Variants in COL17A1 observed in about 807,000 individuals in gnomAD.
COL17A1 encodes collagen type XVII alpha 1 chain.
A neutral mutation model predicts 218.4 loss-of-function variants in COL17A1; 181 were observed. That is an observed-to-expected ratio of 0.83 (90% CI 0.73 to 0.94). The LOEUF (loss-of-function observed/expected upper bound fraction) is 0.94, where lower values mean the gene tolerates loss of function less well. COL17A1 is among the 40% of genes least tolerant of loss of function. The pLI is 0.00. For synonymous variants in COL17A1, 721 were observed against 731.0 expected, an observed-to-expected ratio of 0.99 and a Z score of 0.22; for missense variants, 1,924 against 1,945.9, an observed-to-expected ratio of 0.99 and a Z score of 0.21.
rs60283710 is a variant in COL17A1, at chr10:104,039,766, CCACA to C, written c.2789-130_2789-127del. The C allele has an allele frequency of 4.9e-3, 4,704 of 965,862 alleles. 1 individual carries two copies. The highest frequency in any genetic ancestry group is 8.9e-3 in the South Asian group (636 of 71,642). 59.8% of individuals were successfully genotyped at this position (965,862 alleles called of 1,614,324 possible). On this transcript the variant is annotated intron_variant, in intron 41 of 55. Transcript: ENST00000648076. ...GCCCTTTGGGCAGTACCTAGAGATG[CCACA>C]CACACACACACACACACACACACAC...
chr10:104,085,678 A>C (rs2086799753), intron 1 of COL17A1, 45 bp downstream of exon 1: 1 of 152,588 alleles, frequency 6.6e-6, no homozygotes, highest in Non-Finnish European at 1.5e-5. Flanking sequence ...CCTTAAATCA[A>C]AGTCTCAGAG....
chr10:104,034,927 T>A (rs1309882301), intron 50 of COL17A1, among the ~76,000 whole-genome samples, 160 bp from the exon 51 acceptor site: 1 of 152,170 alleles, frequency 6.6e-6, no homozygotes, highest in Non-Finnish European at 1.5e-5. Flanking sequence ...CAGAGCCTGC[T>A]GTTTCCTGAC....
rs371715577 is a variant in COL17A1, at chr10:104,055,377, G to A, written c.1712C>T (p.Pro571Leu). 1 of 1,613,586 alleles carries A rather than the reference G, an allele frequency of 6.2e-7. No individual in the cohort carries two copies. The highest frequency in any genetic ancestry group is 1.3e-5 in the African/African-American group (1 of 74,716). ...ENGNLRGSPG[P>L]KGDMGSPGPK... ...GGTTCAATCCATGGCAATACCTTTAGGGCCAGGGCTTCCTCGGAGATTTCC... is the reference window on the plus strand; with the variant it reads ...GGTTCAATCCATGGCAATACCTTTAAGGCCAGGGCTTCCTCGGAGATTTCC... Residue 571 changes from proline (P) to leucine (L), a missense_variant, in exon 19 of 56, where the codon CCT (proline) becomes CTT (leucine). Coordinates refer to ENST00000648076, the MANE Select transcript of COL17A1 (RefSeq NM_000494.4).
At chr10:104,051,552 G>T in intron 24 of COL17A1, 36 bp from the exon 25 acceptor site, 1 of 1,613,564 alleles carries the variant, frequency 6.2e-7, no homozygotes, top group Non-Finnish European at 8.5e-7. Context: ...CAGCAGAGGG[G>T]CAGATACAGG....
At chr10:104,052,126 T>C in intron 24 of COL17A1, 29 bp downstream of exon 24, 1 of 1,613,968 alleles carries the variant, frequency 6.2e-7, no homozygotes, top group Non-Finnish European at 8.5e-7. Context: ...TCTGGAAAAC[T>C]TTGATTCCTT....
Position 104,031,468 on chromosome 10 carries a change from C to A in COL17A1, c.*767G>T, listed in dbSNP as rs1460535369. ...GACGTCTTGAGCTGATGCTGTGTCC[C>A]CAGCATCAGGTTTTCTGTTTTCCCT... On this transcript the variant is annotated 3_prime_UTR_variant, in exon 56 of 56. Transcript: ENST00000648076. 1 of 152,510 alleles carries A rather than the reference C, an allele frequency of 6.6e-6. No homozygotes were observed. The highest frequency in any genetic ancestry group is 1.5e-5 in the Non-Finnish European group (1 of 68,034). The allele number at this position is 152,510 out of a possible 1,614,324, so 9.4% of individuals were successfully genotyped here.
rs1463743118 is a variant in COL17A1 at position 104,085,847 on chromosome 10, G to T, written c.-136C>A. The T allele has an allele frequency of 6.6e-6, 1 of 152,538 alleles. No homozygotes were observed. Among genetic ancestry groups the T allele is most frequent in the South Asian group, 2.1e-4 (1 of 4,830 alleles). 9.4% of individuals were successfully genotyped at this position (152,538 alleles called of 1,614,324 possible). On this transcript the variant is annotated 5_prime_UTR_variant, in exon 1 of 56. Coordinates refer to ENST00000648076, the MANE Select transcript of COL17A1 (RefSeq NM_000494.4). ...TTTTTTTTATCCAGACCCAGCCAAG[G>T]TGTGTTAAAGCTGAGTGATCTTTCA...
chr10:104,049,547 C>A (rs992689833), intron 28 of COL17A1, 76 bp from the exon 29 acceptor site: 1 of 1,488,664 alleles, frequency 6.7e-7, no homozygotes, highest in Non-Finnish European at 9.4e-7. Context: ...CTGCTCCCTC[C>A]TCCAAGAGGT....
At chr10:104,049,952 G>GT (rs997394690) in intron 28 of COL17A1, 137 bp downstream of exon 28, 16 of 1,381,244 alleles carry the variant, frequency 1.2e-5, no homozygotes, top group Non-Finnish European at 1.5e-5. Context: ...CTCATCTTGT[G>GT]TTTTTTCTAG....
intron 39 of COL17A1, 85 bp from the exon 40 acceptor site, chr10:104,040,495 C>G: frequency 1.2e-6 from 1 of 840,288 alleles, no homozygotes; most frequent in Non-Finnish European, 2.0e-6. Context: ...AACATAGATG[C>G]TCAATCAATA....
At chr10:104,034,855 A>G in intron 50 of COL17A1, 88 bp from the exon 51 acceptor site, 3 of 1,519,992 alleles carry the variant, frequency 2.0e-6, no homozygotes, top group Non-Finnish European at 2.7e-6. Flanking sequence ...TGTGGGCCCC[A>G]CCTGAAAGGA....
At chr10:104,047,071 C>T (rs2086418112) in intron 31 of COL17A1, among the ~76,000 whole-genome samples, 3 of 152,216 alleles carry the variant, frequency 2.0e-5, no homozygotes. Flanking sequence ...ATGCTCAACA[C>T]TCACGGATCC....
At position 104,040,997 on chromosome 10, in the gene COL17A1, C is replaced by T. The variant is rs191944281; in HGVS notation, c.2701+68G>A. 1.3e-4 allele frequency: 211 copies of T among 1,568,210 alleles called. 1 individual carries two copies. The highest frequency in any genetic ancestry group is 9.0e-5 in the East Asian group (4 of 44,648). On this transcript the variant is annotated intron_variant, in intron 39 of 55. Transcript: ENST00000648076. ...TGAGTAGGTTGTGACCACAAGGCTA[C>T]GGCCACAGTCTGTGGCAGGACAAGG... is the stretch of plus-strand genomic sequence containing the variant.
intron 1 of COL17A1, among the ~76,000 whole-genome samples, chr10:104,082,849 T>C (rs2086776687): frequency 6.6e-6 from 1 of 152,190 alleles, no homozygotes; most frequent in South Asian, 2.1e-4. Flanking sequence ...ACTTCTGCAG[T>C]AAAATGCTAA....
chr10:104,039,823 G>T, intron 41 of COL17A1, 150 bp downstream of exon 41: 1 of 1,241,198 alleles, frequency 8.1e-7, no homozygotes, highest in Non-Finnish European at 1.2e-6. Context: ...CTACACCCAT[G>T]CACACACTCA....
At chr10:104,046,805 T>C (rs776045490) in intron 31 of COL17A1, 32 bp from the exon 32 acceptor site, 3 of 1,611,800 alleles carry the variant, frequency 1.9e-6, no homozygotes, top group South Asian at 1.1e-5. Flanking sequence ...AGGGAAGAGT[T>C]GAAGGGTGGA....
intron 50 of COL17A1, 66 bp from the exon 51 acceptor site, chr10:104,034,833 T>C: frequency 6.3e-7 from 1 of 1,582,066 alleles, no homozygotes; most frequent in Non-Finnish European, 8.6e-7. Context: ...TCCCAGCCTG[T>C]GCTCGGGGCG....
rs2086460384 is a variant in COL17A1, at chr10:104,050,671, G to A, written c.2093-15C>T. The A allele has an allele frequency of 2.5e-6, 4 of 1,614,060 alleles. No individual in the cohort carries two copies. Among genetic ancestry groups the A allele is most frequent in the Non-Finnish European group, 3.4e-6 (4 of 1,180,040 alleles). Reference sequence around the variant, plus strand: ...TCCTTTGTCACCTAAAAAGGAAATGGACACCTTGGTGTAAAATGCCCTACA... The same window carrying A: ...TCCTTTGTCACCTAAAAAGGAAATGAACACCTTGGTGTAAAATGCCCTACA... On this transcript the variant is annotated splice_polypyrimidine_tract_variant and intron_variant, in intron 26 of 55. Coordinates refer to ENST00000648076, the MANE Select transcript of COL17A1 (RefSeq NM_000494.4).
In COL17A1 at chr10:104,076,322, C is replaced by G; in HGVS notation, c.310G>C (p.Val104Leu). ...ATACCTTCATACGCATGGCGGGTAA[C>G]GTGAGTTTTCCTTTCAAAGGTTGAG... is the stretch of plus-strand genomic sequence containing the variant. ...PGSTFERKTH[V>L]TRHAYEGSSS... The change falls in exon 5 of 56, where the codon GTT becomes CTT. Residue 104 changes from valine (V) to leucine (L), a missense_variant. By Grantham distance (32) the Val-to-Leu change is conservative. Transcript: ENST00000648076. The G allele has an allele frequency of 6.2e-7, 1 of 1,614,072 alleles. No individual in the cohort carries two copies.
Sources: gnomAD v4.1 joint callset for allele counts (sites outside exome capture counted in the v4.1 genomes callset) on GRCh38, gnomAD v4.1.1 for gene constraint, MANE v1.5 for transcripts, NCBI Gene and HGNC (gene_info 2026-07-23, HGNC 2026-07-21) for gene names.